Variants in APBB2 observed in about 807,000 individuals in gnomAD.
APBB2 encodes Fe65-like 1.
A neutral mutation model predicts 82.5 loss-of-function variants in APBB2; 38 were observed. The observed-to-expected ratio is 0.46, with a 90% CI of 0.36 to 0.60. APBB2 has a LOEUF of 0.60. APBB2 is among the 20% of genes least tolerant of loss of function. APBB2 has a pLI of 0.00. For missense variants in APBB2, 772 were observed against 972.3 expected, an observed-to-expected ratio of 0.79 and a Z score of 2.74; for synonymous variants, 341 against 368.2, an observed-to-expected ratio of 0.93 and a Z score of 0.85.
chr4:40,853,460 T>G (rs1001771687), intron 12 of APBB2, among the ~76,000 whole-genome samples: 2 of 151,706 alleles, frequency 1.3e-5, no homozygotes, highest in Non-Finnish European at 2.9e-5. Context: ...TTTCCTTCTT[T>G]TTTTTTTTGC....
chr4:41,038,885 G>C (rs1043169702), intron 4 of APBB2, among the ~76,000 whole-genome samples: 2 of 152,232 alleles, frequency 1.3e-5, no homozygotes, highest in African/African-American at 4.8e-5. Context: ...ACAGGTATCA[G>C]ATGCTCACCT....
intron 1 of APBB2, among the ~76,000 whole-genome samples, chr4:41,165,129 C>T (rs946625916): frequency 3.3e-5 from 5 of 152,166 alleles, no homozygotes; most frequent in African/African-American, 4.8e-5. Flanking sequence ...TTGAGATGTC[C>T]GCAAGGCACC....
At position 41,014,411 on chromosome 4, in the gene APBB2, A is replaced by C; in HGVS notation, c.20-13T>G. On this transcript the variant is annotated splice_polypyrimidine_tract_variant and intron_variant, in intron 5 of 17. Coordinates refer to ENST00000508593, the MANE Select transcript of APBB2 (RefSeq NM_004307.2). ...ACACCTGAGTCAGCTGGGGAAAAAA[A>C]AAGTCATTAGACACCTGCCATGATT... The C allele has an allele frequency of 6.2e-7, 1 of 1,611,368 alleles. No homozygotes were observed. The highest frequency in any genetic ancestry group is 8.5e-7 in the Non-Finnish European group (1 of 1,178,360).
chr4:40,869,332 A>C (rs1578096284), intron 12 of APBB2, among the ~76,000 whole-genome samples: 2 of 152,358 alleles, frequency 1.3e-5, no homozygotes, highest in South Asian at 4.1e-4. Flanking sequence ...CTGTAATCCC[A>C]GCACTTTGGG....
chr4:40,975,526 T>G (rs1796937100), intron 6 of APBB2, among the ~76,000 whole-genome samples: 2 of 152,188 alleles, frequency 1.3e-5, no homozygotes, highest in Admixed American at 6.5e-5. Flanking sequence ...CTCATGGACG[T>G]ATCATTAGCA....
At chr4:40,942,320 G>A (rs969549305) in intron 7 of APBB2, among the ~76,000 whole-genome samples, 1 of 152,124 alleles carries the variant, frequency 6.6e-6, no homozygotes, top group Non-Finnish European at 1.5e-5. Flanking sequence ...TTCCACGGAG[G>A]GATAAGCCTT....
intron 6 of APBB2, among the ~76,000 whole-genome samples, chr4:40,978,065 A>C (rs1227717985): frequency 2.0e-5 from 3 of 152,228 alleles, no homozygotes; most frequent in Admixed American, 2.0e-4. Context: ...AGAAGATGGA[A>C]GAAAGGGTGG....
intron 6 of APBB2, among the ~76,000 whole-genome samples, chr4:40,955,425 T>TG (rs1210181603): frequency 6.6e-6 from 1 of 152,250 alleles, no homozygotes; most frequent in Non-Finnish European, 1.5e-5. Flanking sequence ...AAGGATTATC[T>TG]GAAGCTATTA....
At chr4:41,085,637 T>G (rs1739383099) in intron 3 of APBB2, among the ~76,000 whole-genome samples, 1 of 151,936 alleles carries the variant, frequency 6.6e-6, no homozygotes, top group African/African-American at 2.4e-5. Flanking sequence ...CAACAAATAA[T>G]AAGAACAAAC....
At position 41,211,257 on chromosome 4, in the gene APBB2, A is replaced by AAAT. The variant is rs553797211; in HGVS notation, c.-417+3145_-417+3147dup. Among the ~76,000 whole-genome samples the AAAT allele has an allele frequency of 3.0e-3, 451 of 151,134 alleles. 9 individuals carry two copies. The East Asian group carries it at 0.063, about 21-fold the overall frequency. Reference sequence around the variant, plus strand: ...GTGACAGACTGAAACTCTGTCTCAAAAATAATAATAATAATAATAATACTA... The same window carrying AAAT: ...GTGACAGACTGAAACTCTGTCTCAAAAATAATAATAATAATAATAATAATACTA... On this transcript the variant is annotated intron_variant, in intron 1 of 17. Transcript: ENST00000508593.
At chr4:41,000,052 T>C (rs1804718289) in intron 6 of APBB2, among the ~76,000 whole-genome samples, 1 of 117,966 alleles carries the variant, frequency 8.5e-6, no homozygotes, top group African/African-American at 3.1e-5. Context: ...TGTATGTATA[T>C]GTATATATAT....
intron 3 of APBB2, among the ~76,000 whole-genome samples, chr4:41,077,557 A>G (rs1404320891): frequency 1.3e-5 from 2 of 152,174 alleles, no homozygotes; most frequent in Non-Finnish European, 2.9e-5. Context: ...ATTCTGTAAC[A>G]AAATTGGAAG....
chr4:41,017,731 C>T (rs183294350), intron 5 of APBB2, among the ~76,000 whole-genome samples: 2 of 152,156 alleles, frequency 1.3e-5, no homozygotes, highest in Admixed American at 1.3e-4. Context: ...GATTACCCCC[C>T]ACTCTAATTG....
At chr4:41,065,265 A>G (rs888859267) in intron 4 of APBB2, among the ~76,000 whole-genome samples, 2 of 152,222 alleles carry the variant, frequency 1.3e-5, no homozygotes, top group Non-Finnish European at 2.9e-5. Context: ...AGCCTGGGCA[A>G]CAGAGCAAGA....
chr4:40,959,025 C>A (rs929121147), intron 6 of APBB2, among the ~76,000 whole-genome samples: 1 of 152,178 alleles, frequency 6.6e-6, no homozygotes, highest in African/African-American at 2.4e-5. Context: ...TGAGTGACAG[C>A]AATACAACCT....
chr4:40,975,315 CA>C (rs1317965659), intron 6 of APBB2, among the ~76,000 whole-genome samples: 1 of 152,176 alleles, frequency 6.6e-6, no homozygotes, highest in African/African-American at 2.4e-5. Context: ...AGTATATGGA[CA>C]ACAGGGAATC....
intron 4 of APBB2, among the ~76,000 whole-genome samples, chr4:41,037,393 T>A (rs1719645993): frequency 6.6e-6 from 1 of 152,232 alleles, no homozygotes; most frequent in Non-Finnish European, 1.5e-5. Context: ...AAAAATAATT[T>A]CACCTTTTTA....
At chr4:40,997,701 A>G (rs1483271185) in intron 6 of APBB2, among the ~76,000 whole-genome samples, 2 of 152,218 alleles carry the variant, frequency 1.3e-5, no homozygotes, top group Non-Finnish European at 2.9e-5. Context: ...CATTTAAGTG[A>G]TAGGGCACAA....
At chr4:40,881,534 C>CTT (rs71198611) in intron 12 of APBB2, 19,631 of 145,398 alleles carry the variant, frequency 0.14, 1,845 homozygotes, top group Middle Eastern at 0.2. Flanking sequence ...TTTTCTTTTT[C>CTT]TTTTTTTTTT....
Sources: allele counts gnomAD v4.1 joint callset (sites outside exome capture counted in the v4.1 genomes callset), GRCh38; gene constraint gnomAD v4.1.1; transcripts MANE v1.5; gene names NCBI Gene and HGNC (gene_info 2026-07-23, HGNC 2026-07-21).